FRY: variants seen among roughly 807,000 people sequenced by gnomAD.
FRY encodes the protein FRY microtubule binding protein.
A neutral mutation model predicts 348.4 loss-of-function variants in FRY; 128 were observed. The observed-to-expected ratio is 0.37, with a 90% CI of 0.32 to 0.43. The LOEUF is 0.43. Ranked by LOEUF, FRY falls within the 20% of genes least tolerant of loss-of-function variation. FRY has a pLI of 1.00. For missense variants in FRY, 2,736 were observed against 3,695.2 expected, an observed-to-expected ratio of 0.74 and a Z score of 6.73; for synonymous variants, 1,370 against 1,374.7, an observed-to-expected ratio of 1.00 and a Z score of 0.08.
intron 23 of FRY, among the ~76,000 whole-genome samples, chr13:32,181,324 G>A (rs1882692857): frequency 6.6e-6 from 1 of 151,990 alleles, no homozygotes; most frequent in African/African-American, 2.4e-5. Flanking sequence ...GACGGGTGCA[G>A]TGGCTCATGC....
At chr13:32,099,247 C>T (rs1226513881) in intron 2 of FRY, among the ~76,000 whole-genome samples, 5 of 151,556 alleles carry the variant, frequency 3.3e-5, no homozygotes, top group Admixed American at 3.3e-4. Flanking sequence ...ACTTCCATAA[C>T]AAAGACATAT....
Position 32,124,277 on chromosome 13 carries a change from AT to A in FRY, c.465-5del, listed in dbSNP as rs780266377. ...GTGTGCTTTAATGTAAATATTTTAA[AT>A]TTTACAGCGATGAACAACAGCGAGA... On this transcript the variant is annotated splice_polypyrimidine_tract_variant and splice_region_variant and intron_variant, in intron 4 of 60. Transcript: ENST00000542859. 257 of 1,524,958 alleles carry A rather than the reference AT, an allele frequency of 1.7e-4. No individual in the cohort carries two copies. Among genetic ancestry groups the A allele is most frequent in the Non-Finnish European group, 2.2e-4 (237 of 1,098,838 alleles). 94.5% of individuals were successfully genotyped at this position (1,524,958 alleles called of 1,614,324 possible).
chr13:32,230,122 TA>T (rs1885825821), intron 40 of FRY, among the ~76,000 whole-genome samples: 1 of 152,192 alleles, frequency 6.6e-6, no homozygotes, highest in African/African-American at 2.4e-5. Context: ...GTTACATAGG[TA>T]AACGTGTGTC....
intron 21 of FRY, 56 bp from the exon 22 acceptor site, chr13:32,178,788 T>C (rs1264822411): frequency 1.8e-6 from 2 of 1,132,522 alleles, no homozygotes; most frequent in African/African-American, 3.0e-5. Context: ...ATTTAATAAG[T>C]GATATTTAAA....
In FRY at chr13:32,239,223, C is replaced by G; in HGVS notation, c.6419-29C>G. On this transcript the variant is annotated intron_variant, in intron 44 of 60. Transcript: ENST00000542859. This position sits in a 1 kb window ranked among gnomAD's most constrained non-coding sequence, Gnocchi z 4.3. ...AACAGCTAAAATATACCATATTCAG[C>G]TATCTCCATTGTATCTTCTCTAATC... The G allele has an allele frequency of 7.8e-7, 1 of 1,278,798 alleles. No homozygotes were observed. The highest frequency in any genetic ancestry group is 1.1e-6 in the Non-Finnish European group (1 of 874,454). 79.2% of individuals were successfully genotyped at this position (1,278,798 alleles called of 1,614,324 possible). A position where few individuals can be genotyped will look rare whatever the true frequency, so the allele number is the denominator to read the frequency against.
chr13:32,135,040 T>C, intron 9 of FRY, 44 bp downstream of exon 9: 1 of 1,548,076 alleles, frequency 6.5e-7, no homozygotes. Flanking sequence ...TATCACAAAA[T>C]CAACAATTTT....
chr13:32,291,883 C>A, intron 59 of FRY: 1 of 371,514 alleles, frequency 2.7e-6, no homozygotes. Context: ...AGAAGTAGAA[C>A]CTGAAGATGT....
intron 16 of FRY, among the ~76,000 whole-genome samples, chr13:32,158,933 T>C (rs1881270792): frequency 5.9e-5 from 3 of 50,532 alleles, no homozygotes; most frequent in South Asian, 5.5e-4. Flanking sequence ...CAAAAAGAAA[T>C]GCATATAGCT....
Position 32,282,638 on chromosome 13 carries a change from A to G in FRY, c.8469+4090A>G, listed in dbSNP as rs78173385. 1.6e-3 allele frequency among the ~76,000 whole-genome samples: 248 copies of G among 152,316 alleles called. 8 individuals carry two copies. In the East Asian group the frequency reaches 0.042, roughly 26 times the overall value. On this transcript the variant is annotated intron_variant, in intron 58 of 60. Coordinates refer to ENST00000542859, the MANE Select transcript of FRY (RefSeq NM_023037.3). Reference sequence around the variant, plus strand: ...ACAGGTGATTTAAGTGAGGATTGCTATAGAATTGTTTGTGAAAGACAATAT... The same window carrying G: ...ACAGGTGATTTAAGTGAGGATTGCTGTAGAATTGTTTGTGAAAGACAATAT...
chr13:32,238,906 G>A (rs958304264), intron 44 of FRY, among the ~76,000 whole-genome samples: 1 of 152,118 alleles, frequency 6.6e-6, no homozygotes, highest in African/African-American at 2.4e-5. Context: ...TCTCACACCA[G>A]TTTTTCTTAA....
chr13:32,175,615 G>A lies in FRY; in HGVS notation c.2404G>A (p.Val802Ile). ...SSSILESFIH[V>I]AVSDSATLPL... is the part of the protein sequence containing the mutation. ...TTCCATTCTAGAAAGTTTTATTCAT[G>A]TAGCAGTTTCGGATTCAGTAAGTAC... Residue 802 changes from valine (V) to isoleucine (I), a missense_variant, in exon 20 of 61, where the codon GTA becomes ATA. Physicochemically the swap from Val to Ile is conservative, Grantham distance 29 (BLOSUM62 3). Around this residue, in one of 9 missense-constraint regions of FRY, gnomAD observed 449 missense variants for 576.9 expected, o/e 0.78. Coordinates refer to ENST00000542859, the MANE Select transcript of FRY (RefSeq NM_023037.3). 1.2e-6 allele frequency: 2 copies of A among 1,600,582 alleles called. No homozygotes were observed. Among genetic ancestry groups the A allele is most frequent in the Non-Finnish European group, 1.7e-6 (2 of 1,167,684 alleles).
Position 32,163,876 on chromosome 13 carries a change from TTTTTG to T in FRY, c.1892+2630_1892+2634del, listed in dbSNP as rs146812286. Among the ~76,000 whole-genome samples the T allele has an allele frequency of 3.8e-3, 573 of 152,156 alleles. 2 individuals are homozygous for T. Among genetic ancestry groups the T allele is most frequent in the African/African-American group, 0.013 (550 of 41,570 alleles). On this transcript the variant is annotated intron_variant, in intron 17 of 60. Transcript: ENST00000542859. ...CCAAGCCCAAAGCAATGGATGCTGT[TTTTTG>T]TTTTTTCTTTTTTCTTTTTTTTCTG...
Position 32,147,378 on chromosome 13 carries a change from A to T in FRY, c.1276A>T (p.Thr426Ser). Reference sequence around the variant, plus strand: ...AATTAAATGTGAAAGCAACACAGCTACTCAGAGGTAAGATTTGGCTTGTGT... The same window carrying T: ...AATTAAATGTGAAAGCAACACAGCTTCTCAGAGGTAAGATTTGGCTTGTGT... ...IRIKCESNTA[T>S]QSRLITIITT... The change falls in exon 12 of 61, where the codon ACT becomes TCT. Residue 426 changes from threonine (T) to serine (S), a missense_variant. By Grantham distance (58) the Thr-to-Ser change is moderately conservative (BLOSUM62 1). Coordinates refer to ENST00000542859, the MANE Select transcript of FRY (RefSeq NM_023037.3). The T allele has an allele frequency of 6.3e-7, 1 of 1,585,972 alleles. No homozygotes were observed. The highest frequency in any genetic ancestry group is 8.7e-7 in the Non-Finnish European group (1 of 1,154,434).
intron 26 of FRY, 73 bp downstream of exon 26, chr13:32,185,221 C>G (rs143062319): frequency 7.5e-7 from 1 of 1,340,204 alleles, no homozygotes; most frequent in Admixed American, 1.7e-5. Context: ...ACGGTGCTTT[C>G]GTCTTTAACC....
chr13:32,280,607 C>A (rs1019723281), intron 58 of FRY, among the ~76,000 whole-genome samples: 2 of 152,138 alleles, frequency 1.3e-5, no homozygotes, highest in Admixed American at 6.5e-5. Flanking sequence ...GAGCACAAAT[C>A]GAATCCAGCT....
intron 58 of FRY, among the ~76,000 whole-genome samples, chr13:32,279,427 G>A (rs1043975405): frequency 6.6e-6 from 1 of 152,228 alleles, no homozygotes; most frequent in Non-Finnish European, 1.5e-5. Context: ...TGGAGAAAAG[G>A]TTGAGAAGAG....
chr13:32,095,903 T>G (rs1210568792), intron 2 of FRY, among the ~76,000 whole-genome samples: 1 of 152,064 alleles, frequency 6.6e-6, no homozygotes, highest in East Asian at 1.9e-4. Context: ...CCTCTAACCT[T>G]TCCTCTCTTT....
Position 32,130,054 on chromosome 13 carries a change from C to CTTT in FRY, c.717-1601_717-1599dup, listed in dbSNP as rs746424659. ...TATAATCACAATTACCTCCCCCAGC[C>CTTT]TTTTTTTTTTTTTTTTTTTCCGGTG... On this transcript the variant is annotated intron_variant, in intron 7 of 60. Transcript: ENST00000542859. Among the ~76,000 whole-genome samples, 28 of 128,002 alleles carry CTTT rather than the reference C, an allele frequency of 2.2e-4. 1 individual carries two copies. The highest frequency in any genetic ancestry group is 7.8e-4 in the African/African-American group (26 of 33,192). The allele number at this position is 128,002 out of a possible 152,430, so 84.0% of individuals were successfully genotyped here.
At chr13:32,249,443 CT>C in intron 48 of FRY, 82 bp from the exon 49 acceptor site, 1 of 1,426,376 alleles carries the variant, frequency 7.0e-7, no homozygotes, top group Non-Finnish European at 9.7e-7. Context: ...AAATAAGCAG[CT>C]CTTGGTTGCT....
Sources: allele counts gnomAD v4.1 joint callset (sites outside exome capture counted in the v4.1 genomes callset), GRCh38; gene constraint gnomAD v4.1.1; regional missense constraint gnomAD v4.1.1; non-coding constraint Gnocchi (gnomAD v3.1); transcripts MANE v1.5; gene names NCBI Gene and HGNC (gene_info 2026-07-23, HGNC 2026-07-21).